The following RB1 variants were observed in gnomAD, a reference collection of about 807,000 sequenced individuals.
RB1 encodes the protein RB transcriptional corepressor 1, also known as retinoblastoma-associated protein.
A neutral mutation model predicts 135.4 loss-of-function variants in RB1; 18 were observed. The ratio of observed to expected loss-of-function variants is 0.13; its 90% CI spans 0.09 to 0.20. The LOEUF is 0.20. RB1 is among the 10% of genes least tolerant of loss of function. The pLI is 1.00. For missense variants in RB1, 868 were observed against 1,110.0 expected, an observed-to-expected ratio of 0.78 and a Z score of 3.10; for synonymous variants, 365 against 373.2, an observed-to-expected ratio of 0.98 and a Z score of 0.25.
chr13:48,413,781 T>C (rs1948859415), intron 17 of RB1, among the ~76,000 whole-genome samples: 2 of 152,210 alleles, frequency 1.3e-5, no homozygotes, highest in South Asian at 4.1e-4. Context: ...TGTTTATCTT[T>C]GGTGTGGTGT....
chr13:48,319,251 C>CT lies in RB1; in HGVS notation c.264+11851dup. On this transcript the variant is annotated intron_variant, in intron 2 of 26. Transcript: ENST00000267163. This position sits in a 1 kb window ranked among gnomAD's most constrained non-coding sequence, Gnocchi z 5.0. ...TTTCCTGTGGGTCTCGCGCAAGGCACTTTTTTGTGGCGCTGCTTGTGCTGT... is the reference window on the plus strand; with the variant it reads ...TTTCCTGTGGGTCTCGCGCAAGGCACTTTTTTTGTGGCGCTGCTTGTGCTGT... The CT allele has an allele frequency of 1.3e-5, 11 of 815,084 alleles. No homozygotes were observed. The highest frequency in any genetic ancestry group is 8.0e-5 in the South Asian group (5 of 62,326). 50.5% of individuals were successfully genotyped at this position (815,084 alleles called of 1,614,324 possible).
In RB1 at chr13:48,319,178, G is replaced by A. The variant is rs1259199645; in HGVS notation, c.264+11772G>A. 1 of 626,010 alleles carries A rather than the reference G, an allele frequency of 1.6e-6. No individual in the cohort carries two copies. The allele number at this position is 626,010 out of a possible 1,614,324, so 38.8% of individuals were successfully genotyped here. ...AATGGTCAGCGTCTAGGCACCCCGGGCAAGGGTCTGTGGCCTTGGTGGCCA... is the reference window on the plus strand; with the variant it reads ...AATGGTCAGCGTCTAGGCACCCCGGACAAGGGTCTGTGGCCTTGGTGGCCA... On this transcript the variant is annotated intron_variant, in intron 2 of 26. Coordinates refer to ENST00000267163, the MANE Select transcript of RB1 (RefSeq NM_000321.3). The surrounding 1 kb of genome is among the most constrained non-coding windows in gnomAD (Gnocchi z 5.0).
intron 17 of RB1, chr13:48,412,445 C>T: frequency 6.4e-7 from 1 of 1,573,420 alleles, no homozygotes; most frequent in East Asian, 2.2e-5. Flanking sequence ...GTCCAATTTT[C>T]AGTTTGGAAG....
rs567555454 is a variant in RB1 at position 48,472,218 on chromosome 13, G to A, written c.2490-1142G>A. Among the ~76,000 whole-genome samples, 8 of 152,176 alleles carry A rather than the reference G, an allele frequency of 5.3e-5. 1 individual carries two copies. The South Asian group carries it at 1.7e-3, about 32-fold the overall frequency. On this transcript the variant is annotated intron_variant, in intron 23 of 26. Coordinates refer to ENST00000267163, the MANE Select transcript of RB1 (RefSeq NM_000321.3). ...TGTACCTAATGGGCAAGAAAAGGGG[G>A]CATATGTTGGCCTTTCAGAAAATAT...
In RB1 at chr13:48,379,591, T is replaced by C. The variant is rs1364353387; in HGVS notation, c.1333-3T>C. 2 of 1,612,378 alleles carry C rather than the reference T, an allele frequency of 1.2e-6. No individual in the cohort carries two copies. Among genetic ancestry groups the C allele is most frequent in the Non-Finnish European group, 1.7e-6 (2 of 1,179,538 alleles). On this transcript the variant is annotated splice_polypyrimidine_tract_variant and splice_region_variant and intron_variant, in intron 13 of 26. Coordinates refer to ENST00000267163, the MANE Select transcript of RB1 (RefSeq NM_000321.3). ...TCTTATTTTTCTTTTTGTTTGTTTG[T>C]AGCGATACAAACTTGGAGTTCGCTT...
intron 7 of RB1, 187 bp downstream of exon 7, chr13:48,360,314 A>G (rs933452482): frequency 1.5e-6 from 2 of 1,313,066 alleles, no homozygotes; most frequent in Non-Finnish European, 1.0e-6. Context: ...ATTAGAGTAT[A>G]TGGTAGAAAG....
chr13:48,463,594 C>T (rs1016691459), intron 20 of RB1, 137 bp from the exon 21 acceptor site: 14 of 644,830 alleles, frequency 2.2e-5, no homozygotes, highest in African/African-American at 1.5e-4. Context: ...GACTTTCAAA[C>T]TGAGCTCAGT....
At chr13:48,323,043 G>A (rs1371581864) in intron 2 of RB1, among the ~76,000 whole-genome samples, 1 of 151,996 alleles carries the variant, frequency 6.6e-6, no homozygotes, top group East Asian at 1.9e-4. Context: ...AGAATGGACT[G>A]GGAAGTGTTC....
intron 17 of RB1, among the ~76,000 whole-genome samples, chr13:48,407,891 T>G (rs567607599): frequency 6.6e-6 from 1 of 152,172 alleles, no homozygotes; most frequent in Non-Finnish European, 1.5e-5. Flanking sequence ...GGACTGGCAT[T>G]TAGGCACGAA....
At chr13:48,397,650 C>G (rs115410483) in intron 17 of RB1, among the ~76,000 whole-genome samples, 1,907 of 151,958 alleles carry the variant, frequency 0.013, 46 homozygotes, top group African/African-American at 0.039. Flanking sequence ...AATAAAAAAA[C>G]AGAAAATATT....
At chr13:48,376,203 T>G (rs2138134985) in intron 12 of RB1, among the ~76,000 whole-genome samples, 1 of 152,084 alleles carries the variant, frequency 6.6e-6, no homozygotes, top group Admixed American at 6.6e-5. Context: ...AAAGCACGTT[T>G]TAAAATTAGG....
chr13:48,366,862 T>C (rs530949540), intron 9 of RB1, among the ~76,000 whole-genome samples: 87 of 152,300 alleles, frequency 5.7e-4, no homozygotes, highest in Non-Finnish European at 1.1e-3. Context: ...CTCACGCCTG[T>C]AATTCTAGTA....
chr13:48,380,954 C>T (rs1408179285), intron 16 of RB1, among the ~76,000 whole-genome samples: 1 of 152,052 alleles, frequency 6.6e-6, no homozygotes, highest in Non-Finnish European at 1.5e-5. Context: ...ATAGATATGC[C>T]AATGGCTGAT....
At position 48,473,667 on chromosome 13, in the gene RB1, G is replaced by A. The variant is rs537206244; in HGVS notation, c.2520+277G>A. 6.6e-5 allele frequency among the ~76,000 whole-genome samples: 10 copies of A among 152,046 alleles called. No homozygotes were observed. In the South Asian group the frequency reaches 1.7e-3, roughly 25 times the overall value. ...TTTGTGTATATACATACATATATAC[G>A]TGAGCTGTTTTTGCTCACAACATTT... On this transcript the variant is annotated intron_variant, in intron 24 of 26. Transcript: ENST00000267163.
chr13:48,422,967 C>T (rs1241665654), intron 17 of RB1, among the ~76,000 whole-genome samples: 1 of 151,810 alleles, frequency 6.6e-6, no homozygotes, highest in Non-Finnish European at 1.5e-5. Context: ...ATAGTGACAC[C>T]CTGTTTCCAA....
At chr13:48,459,667 T>C (rs1949383044) in intron 19 of RB1, 21 bp from the exon 20 acceptor site, 1 of 1,613,834 alleles carries the variant, frequency 6.2e-7, no homozygotes, top group East Asian at 2.2e-5. Context: ...TAAAAATGAC[T>C]AATTTTTCTT....
At chr13:48,475,265 G>T (rs1434094656) in intron 24 of RB1, among the ~76,000 whole-genome samples, 2 of 152,258 alleles carry the variant, frequency 1.3e-5, no homozygotes, top group African/African-American at 4.8e-5. Context: ...TAAAACAAAC[G>T]CTTATTATCT....
chr13:48,319,637 A>G lies in RB1; in HGVS notation c.264+12231A>G, dbSNP rs1050311414. 11 of 259,178 alleles carry G rather than the reference A, an allele frequency of 4.2e-5. No homozygotes were observed. The allele number at this position is 259,178 out of a possible 1,614,324, so 16.1% of individuals were successfully genotyped here. On this transcript the variant is annotated intron_variant, in intron 2 of 26. Coordinates refer to ENST00000267163, the MANE Select transcript of RB1 (RefSeq NM_000321.3). This position sits in a 1 kb window ranked among gnomAD's most constrained non-coding sequence, Gnocchi z 5.0. ...GAGGTTTGCGAAAGGCGAACTCTTT[A>G]TGGGCGCCCTTCAGACCCTGCCGAT...
chr13:48,377,818 C>T (rs1161750093), intron 13 of RB1, among the ~76,000 whole-genome samples: 4 of 152,048 alleles, frequency 2.6e-5, no homozygotes, highest in African/African-American at 9.7e-5. Flanking sequence ...ATGGTATAGC[C>T]GATTGTACAT....
Sources: allele counts gnomAD v4.1 joint callset (sites outside exome capture counted in the v4.1 genomes callset), GRCh38; gene constraint gnomAD v4.1.1; non-coding constraint Gnocchi (gnomAD v3.1); transcripts MANE v1.5; gene names NCBI Gene and HGNC (gene_info 2026-07-23, HGNC 2026-07-21).